The following DDX25 variants were observed in gnomAD, a reference collection of about 807,000 sequenced individuals.
DDX25 encodes ATP-dependent RNA helicase DDX25.
DDX25 carries 70 observed loss-of-function variants against 64.6 expected under a neutral mutation model. The observed-to-expected ratio is 1.08, with a 90% CI of 0.89 to 1.32. The LOEUF (loss-of-function observed/expected upper bound fraction) is 1.32, where lower values mean the gene tolerates loss of function less well. Among genes scored for constraint, DDX25 ranks in the 40% most tolerant of loss-of-function variants. The pLI, the probability that DDX25 is intolerant of heterozygous loss-of-function variation, is 0.00. For missense variants in DDX25, 587 were observed against 604.4 expected (o/e 0.97, Z 0.30); for synonymous variants, 211 against 213.3 (o/e 0.99, Z 0.09).
intron 8 of DDX25, among the ~76,000 whole-genome samples, chr11:125,913,589 A>T (rs1944994231): frequency 6.6e-6 from 1 of 152,180 alleles, no homozygotes; most frequent in African/African-American, 2.4e-5. Flanking sequence ...TGAAAAGTTT[A>T]ATGTCACCCT....
chr11:125,905,133 C>T, intron 1 of DDX25, 79 bp from the exon 2 acceptor site: 1 of 1,340,098 alleles, frequency 7.5e-7, no homozygotes, highest in African/African-American at 1.5e-5. Flanking sequence ...GAATCCCTCC[C>T]AGCCCCTGTG....
At chr11:125,913,427 G>A (rs968863179) in intron 8 of DDX25, among the ~76,000 whole-genome samples, 1 of 151,928 alleles carries the variant, frequency 6.6e-6, no homozygotes, top group Non-Finnish European at 1.5e-5. Flanking sequence ...TGTCCTTATT[G>A]TACCTGTAAA....
intron 10 of DDX25, among the ~76,000 whole-genome samples, chr11:125,920,555 GAA>G (rs1341365613): frequency 1.3e-5 from 2 of 152,230 alleles, no homozygotes; most frequent in Non-Finnish European, 2.9e-5. Flanking sequence ...AGTCAGGAGA[GAA>G]AGAGATGAGA....
chr11:125,907,416 G>A (rs900861911), intron 4 of DDX25, among the ~76,000 whole-genome samples: 65 of 152,230 alleles, frequency 4.3e-4, no homozygotes, highest in South Asian at 1.0e-3. Flanking sequence ...AGACCATCCT[G>A]GCTAACACAG....
rs1945094899 is a variant in DDX25 at position 125,920,395 on chromosome 11, C to T, written c.1202-796C>T. On this transcript the variant is annotated intron_variant, in intron 10 of 11. Coordinates refer to ENST00000263576, the MANE Select transcript of DDX25 (RefSeq NM_013264.5). ...GAGGTTGCAGTGAGCCAAGATCGTG[C>T]CACTGCACTCCAACCTGGGTTACAG... 1.3e-5 allele frequency among the ~76,000 whole-genome samples: 2 copies of T among 151,802 alleles called. 1 individual carries two copies. Among genetic ancestry groups the T allele is most frequent in the South Asian group, 4.2e-4 (2 of 4,810 alleles).
chr11:125,919,805 C>T (rs1452677031), intron 10 of DDX25, among the ~76,000 whole-genome samples: 3 of 152,232 alleles, frequency 2.0e-5, no homozygotes, highest in African/African-American at 7.2e-5. Context: ...CACTATTCAA[C>T]AGAGCTTTCT....
chr11:125,905,607 G>T lies in DDX25; in HGVS notation c.175+10G>T. 4 of 1,550,134 alleles carry T rather than the reference G, an allele frequency of 2.6e-6. No individual in the cohort carries two copies. Among genetic ancestry groups the T allele is most frequent in the African/African-American group, 1.4e-5 (1 of 73,126 alleles). ...GATGAAGAAGATGTAGGTAGGAGAT[G>T]AATTCATTTGCATGTATCTACTAGC... On this transcript the variant is annotated intron_variant, in intron 3 of 11. Coordinates refer to ENST00000263576, the MANE Select transcript of DDX25 (RefSeq NM_013264.5).
chr11:125,917,328 A>G (rs1945052913), intron 9 of DDX25, 77 bp downstream of exon 9: 1 of 1,361,308 alleles, frequency 7.3e-7, no homozygotes, highest in African/African-American at 1.4e-5. Context: ...TAAGTGCCCT[A>G]GAGCCAGGCA....
chr11:125,919,545 A>C (rs2134283897), intron 10 of DDX25, among the ~76,000 whole-genome samples: 1 of 141,472 alleles, frequency 7.1e-6, no homozygotes. Context: ...CTACTGGTGA[A>C]AAAAATCCTT....
chr11:125,904,278 TG>T, upstream of DDX25: 2 of 49,366 alleles, frequency 4.1e-5, no homozygotes, highest in Non-Finnish European at 7.4e-5. Flanking sequence ...CCCCGCTCTC[TG>T]CCCTCCGCCC....
At position 125,918,684 on chromosome 11, in the gene DDX25, G is replaced by A. The variant is rs773104566; in HGVS notation, c.1095G>A (p.Val365=). 1 of 1,613,982 alleles carries A rather than the reference G, an allele frequency of 6.2e-7. No individual in the cohort carries two copies. Among genetic ancestry groups the A allele is most frequent in the Non-Finnish European group, 8.5e-7 (1 of 1,179,874 alleles). ...TVEMIQDGHQ[V]SLLSGELTVE... ...AGATGATACAGGATGGCCACCAGGT[G>A]TCTTTGTTAAGCGGGGAGCTGACCG... The change falls in exon 10 of 12, where the codon GTG becomes GTA. Residue 365 remains valine (V), a synonymous_variant. Transcript: ENST00000263576.
Position 125,921,881 on chromosome 11 carries a change from G to A in DDX25, c.1390+502G>A, listed in dbSNP as rs1288575688. The A allele has an allele frequency of 6.5e-6, 1 of 152,858 alleles. No individual in the cohort carries two copies. Among genetic ancestry groups the A allele is most frequent in the Non-Finnish European group, 1.5e-5 (1 of 68,548 alleles). The allele number at this position is 152,858 out of a possible 1,614,324, so 9.5% of individuals were successfully genotyped here. A position where few individuals can be genotyped will look rare whatever the true frequency, so the allele number is the denominator to read the frequency against. ...TCCAGCCTGGCGAAAGAGTGAGACT[G>A]CGTCTCAAAAAAATAAAATTTGAGC... On this transcript the variant is annotated intron_variant, in intron 11 of 11. Coordinates refer to ENST00000263576, the MANE Select transcript of DDX25 (RefSeq NM_013264.5). This position sits in a 1 kb window ranked among gnomAD's most constrained non-coding sequence, Gnocchi z 4.1.
chr11:125,923,296 C>A lies in DDX25; in HGVS notation c.*415C>A, dbSNP rs1049726031. 2.8e-4 allele frequency: 44 copies of A among 158,314 alleles called. No homozygotes were observed. The highest frequency in any genetic ancestry group is 4.5e-4 in the Admixed American group (7 of 15,562). 9.8% of individuals were successfully genotyped at this position (158,314 alleles called of 1,614,324 possible). A position where few individuals can be genotyped will look rare whatever the true frequency, so the allele number is the denominator to read the frequency against. On this transcript the variant is annotated 3_prime_UTR_variant, in exon 12 of 12. Transcript: ENST00000263576. ...TGTCTTCAGACCTCACTCACAGGTG[C>A]CCTTTCCAGCCATTTATGCCTTTCC...
chr11:125,921,273 C>T lies in DDX25; in HGVS notation c.1284C>T (p.Tyr428=). 6.2e-7 allele frequency: 1 copy of T among 1,613,446 alleles called. No homozygotes were observed. Among genetic ancestry groups the T allele is most frequent in the East Asian group, 2.2e-5 (1 of 44,854 alleles). Residue 428 remains tyrosine, a synonymous_variant, in exon 11 of 12, where the codon TAC becomes TAT. Transcript: ENST00000263576. This position sits in a 1 kb window ranked among gnomAD's most constrained non-coding sequence, Gnocchi z 4.1. The part of the protein sequence containing the change: ...KQGEEPDYET[Y]LHRIGRTGRF... ...GAGAGGAGCCGGACTATGAGACCTA[C>T]CTCCACCGCATAGGGCGGACGGGGC...
chr11:125,908,322 T>C (rs1944922493), intron 5 of DDX25, 34 bp downstream of exon 5: 2 of 1,612,864 alleles, frequency 1.2e-6, no homozygotes, highest in South Asian at 1.1e-5. Flanking sequence ...TCTACTTGGT[T>C]ATGTTTAGTT....
chr11:125,908,589 G>A, intron 6 of DDX25, 86 bp downstream of exon 6: 1 of 1,213,050 alleles, frequency 8.2e-7, no homozygotes, highest in Non-Finnish European at 1.2e-6. Context: ...CAATGATATG[G>A]TTACTATGGT....
At chr11:125,912,708 A>T (rs1944981795) in intron 8 of DDX25, among the ~76,000 whole-genome samples, 1 of 151,992 alleles carries the variant, frequency 6.6e-6, no homozygotes, top group Non-Finnish European at 1.5e-5. Flanking sequence ...TTTTTCTTGT[A>T]AAGCTTTTTC....
rs1360807878 is a variant in DDX25 at position 125,905,728 on chromosome 11, T to C, written c.175+131T>C. On this transcript the variant is annotated intron_variant, in intron 3 of 11. Transcript: ENST00000263576. ...TGCTTCTGTTTTCTTATAGTGACTA[T>C]CAGGAGACACACTAAATTAGGAGTA... 5.5e-6 allele frequency: 5 copies of C among 912,586 alleles called. No individual in the cohort carries two copies. The Admixed American group carries it at 1.3e-4, about 23-fold the overall frequency. 56.5% of individuals were successfully genotyped at this position (912,586 alleles called of 1,614,324 possible).
Position 125,911,498 on chromosome 11 carries a change from A to C in DDX25, c.800+10A>C, listed in dbSNP as rs182653300. The C allele has an allele frequency of 8.2e-5, 132 of 1,612,236 alleles. No homozygotes were observed. The East Asian group carries it at 2.6e-3, about 32-fold the overall frequency. ...GTATTCGTATTCAAAGGTAATCTTC[A>C]GAGTCTTCCTCTCTTCCTCAGCCTT... On this transcript the variant is annotated intron_variant, in intron 8 of 11. Transcript: ENST00000263576.
Sources: gnomAD v4.1 joint callset for allele counts (sites outside exome capture counted in the v4.1 genomes callset) on GRCh38, gnomAD v4.1.1 for gene constraint, Gnocchi (gnomAD v3.1) non-coding constraint, MANE v1.5 for transcripts, NCBI Gene and HGNC (gene_info 2026-07-23, HGNC 2026-07-21) for gene names.